ANK2: variants seen among roughly 807,000 people sequenced by gnomAD.
ANK2 encodes ankyrin-2.
ANK2 carries 83 observed loss-of-function variants against 360.5 expected under a neutral mutation model. That is an observed-to-expected ratio of 0.23 (90% CI 0.19 to 0.28). The LOEUF is 0.28. Ranked by LOEUF, ANK2 falls within the 10% of genes least tolerant of loss-of-function variation. The pLI, the probability that ANK2 is intolerant of heterozygous loss-of-function variation, is 1.00. For missense variants in ANK2, 4,201 were observed against 4,795.7 expected (o/e 0.88, Z 3.66); for synonymous variants, 1,740 against 1,759.5 (o/e 0.99, Z 0.28).
intron 16 of ANK2, 129 bp downstream of exon 16, chr4:113,278,064 TGGTGG>T: frequency 1.1e-6 from 1 of 905,208 alleles, no homozygotes; most frequent in Non-Finnish European, 1.7e-6. Flanking sequence ...CAAATAGACA[TGGTGG>T]CGATGTCTTC....
intron 2 of ANK2, among the ~76,000 whole-genome samples, chr4:113,037,386 T>G (rs2061839864): frequency 6.6e-6 from 1 of 151,984 alleles, no homozygotes. Flanking sequence ...ACTATTATAC[T>G]TAGTTGCTCT....
Position 113,311,361 on chromosome 4 carries a change from T to C in ANK2, c.2655T>C (p.Asn885=). Residue 885 remains asparagine (N), a synonymous_variant, in exon 24 of 46, where the codon AAT becomes AAC. Coordinates refer to ENST00000357077, the MANE Select transcript of ANK2 (RefSeq NM_001148.6). ...LPSSQFLDGM[N]YLRYSLEGGR... ...GCAGTCAGTTCCTGGATGGTATGAA[T>C]TACCTGCGATACAGCTTGGAGGGAG... 1 of 1,614,138 alleles carries C rather than the reference T, an allele frequency of 6.2e-7. No homozygotes were observed.
chr4:113,022,311 A>G (rs1461459458), intron 2 of ANK2, among the ~76,000 whole-genome samples: 10 of 152,236 alleles, frequency 6.6e-5, no homozygotes, highest in Non-Finnish European at 1.5e-4. Context: ...ATTAAAATCA[A>G]TTCTAGTTTC....
the ANK2 span, among the ~76,000 whole-genome samples, chr4:112,791,522 T>A: frequency 4.8e-5 from 7 of 147,200 alleles, no homozygotes; most frequent in Admixed American, 4.8e-4. Flanking sequence ...AGGGTCTGGC[T>A]CTGTTGCCCA....
chr4:112,806,815 A>AGT, the ANK2 span, among the ~76,000 whole-genome samples: 2 of 152,178 alleles, frequency 1.3e-5, no homozygotes, highest in Non-Finnish European at 2.9e-5. Flanking sequence ...TAGGTGACAG[A>AGT]GTGAGACCTT....
intron 1 of ANK2, among the ~76,000 whole-genome samples, chr4:113,086,142 T>C (rs962357428): frequency 2.0e-5 from 3 of 152,152 alleles, no homozygotes; most frequent in African/African-American, 4.8e-5. Context: ...AATATAAATA[T>C]TAAAATTGCC....
the ANK2 span, among the ~76,000 whole-genome samples, chr4:112,772,218 A>G: frequency 6.6e-6 from 1 of 152,306 alleles, no homozygotes; most frequent in South Asian, 2.1e-4. Context: ...CCTCACAATC[A>G]TGGTGGAAGG....
chr4:112,760,586 C>G, the ANK2 span, among the ~76,000 whole-genome samples: 1 of 150,904 alleles, frequency 6.6e-6, no homozygotes, highest in African/African-American at 2.4e-5. Flanking sequence ...TACATGTGCA[C>G]AACGTGCAGG....
At chr4:112,791,476 CTTCTTT>C in the ANK2 span, among the ~76,000 whole-genome samples, 816 of 98,024 alleles carry the variant, frequency 8.3e-3, 6 homozygotes, top group African/African-American at 0.035. Context: ...TCTTCTTCTT[CTTCTTT>C]TTTTTTTTTT....
At chr4:112,838,321 C>G (rs1392283827) in intron 1 of ANK2, among the ~76,000 whole-genome samples, 1 of 152,144 alleles carries the variant, frequency 6.6e-6, no homozygotes. Flanking sequence ...TCAATTAAAC[C>G]TTTTTTATTT....
chr4:112,765,385 G>A, the ANK2 span, among the ~76,000 whole-genome samples: 1 of 151,914 alleles, frequency 6.6e-6, no homozygotes, highest in Non-Finnish European at 1.5e-5. Flanking sequence ...ACCTTTCCTT[G>A]ACCTTGCCTT....
intron 29 of ANK2, 67 bp from the exon 30 acceptor site, chr4:113,335,779 T>C: frequency 1.3e-6 from 2 of 1,490,008 alleles, no homozygotes; most frequent in Non-Finnish European, 1.9e-6. Flanking sequence ...AGCGAATGAG[T>C]TGGCTAGAAT....
chr4:113,219,154 T>C (rs1344036188), intron 4 of ANK2, among the ~76,000 whole-genome samples: 2 of 152,164 alleles, frequency 1.3e-5, no homozygotes, highest in African/African-American at 4.8e-5. Context: ...TTATACTACA[T>C]ACTGAAGATC....
intron 1 of ANK2, among the ~76,000 whole-genome samples, chr4:113,054,817 A>G (rs1419470385): frequency 1.3e-5 from 2 of 152,148 alleles, no homozygotes; most frequent in Non-Finnish European, 2.9e-5. Context: ...ATAACCTGGT[A>G]TTCTGTGATT....
intron 2 of ANK2, among the ~76,000 whole-genome samples, chr4:112,997,651 A>G (rs2049040830): frequency 6.6e-6 from 1 of 152,006 alleles, no homozygotes; most frequent in Admixed American, 6.6e-5. Context: ...GTGCACAAAT[A>G]TTTTGGTCAT....
At chr4:112,775,954 A>G in the ANK2 span, among the ~76,000 whole-genome samples, 1 of 152,210 alleles carries the variant, frequency 6.6e-6, no homozygotes, top group African/African-American at 2.4e-5. Flanking sequence ...TTTCTGATTC[A>G]GTCTGGTTAG....
intron 23 of ANK2, among the ~76,000 whole-genome samples, chr4:113,308,237 C>G (rs1426117872): frequency 6.6e-6 from 1 of 152,182 alleles, no homozygotes; most frequent in African/African-American, 2.4e-5. Context: ...TTTCTCCCCC[C>G]TTGGCTTGGG....
intron 4 of ANK2, among the ~76,000 whole-genome samples, chr4:113,215,280 C>T (rs572240794): frequency 4.6e-5 from 7 of 152,210 alleles, no homozygotes; most frequent in African/African-American, 9.6e-5. Flanking sequence ...AACCTCTTAG[C>T]GACTCCATTC....
chr4:113,246,863 G>A (rs2043153321), intron 9 of ANK2, among the ~76,000 whole-genome samples: 1 of 152,098 alleles, frequency 6.6e-6, no homozygotes, highest in South Asian at 2.1e-4. Context: ...TTTTCTTGTT[G>A]AGAATATATG....
Sources: allele counts gnomAD v4.1 joint callset (sites outside exome capture counted in the v4.1 genomes callset), GRCh38; gene constraint gnomAD v4.1.1; transcripts MANE v1.5; gene names NCBI Gene and HGNC (gene_info 2026-07-23, HGNC 2026-07-21).